Variants in MAGI1 observed in about 807,000 individuals in gnomAD.
MAGI1 encodes the protein membrane associated guanylate kinase, WW and PDZ domain containing 1, also known as membrane-associated guanylate kinase, WW and PDZ domain-containing protein 1.
Under a neutral mutation model 139.9 loss-of-function variants are expected in MAGI1, and 58 were observed. The observed-to-expected ratio is 0.41, with a 90% CI of 0.34 to 0.52. The LOEUF is 0.52. Among genes scored for constraint, MAGI1 ranks in the 20% least tolerant of loss-of-function variants. MAGI1 has a pLI of 0.12. For missense variants in MAGI1, 1,874 were observed against 1,901.6 expected (o/e 0.99, Z 0.27); for synonymous variants, 812 against 737.9 (o/e 1.10, Z -1.63).
chr3:65,488,845 T>C (rs536968093), intron 3 of MAGI1, among the ~76,000 whole-genome samples: 1 of 152,038 alleles, frequency 6.6e-6, no homozygotes, highest in African/African-American at 2.4e-5. Flanking sequence ...CTCATTTTTG[T>C]ATTTTTTTAT....
In MAGI1 at chr3:65,430,959, T is replaced by C. The variant is rs1379501977; in HGVS notation, c.1364-78A>G. ...ATTAAACAAGATTTGAGACAACATA[T>C]AGATAATTCTTCACGCTTATGCCCT... On this transcript the variant is annotated intron_variant, in intron 10 of 22. Coordinates refer to ENST00000402939, the MANE Select transcript of MAGI1 (RefSeq NM_001033057.2). 23 of 1,374,140 alleles carry C rather than the reference T, an allele frequency of 1.7e-5. No individual in the cohort carries two copies. In the Admixed American group the frequency reaches 3.5e-4, roughly 21 times the overall value. The allele number at this position is 1,374,140 out of a possible 1,614,324, so 85.1% of individuals were successfully genotyped here.
chr3:65,720,345 T>A (rs2032858652), intron 1 of MAGI1, among the ~76,000 whole-genome samples: 1 of 152,172 alleles, frequency 6.6e-6, no homozygotes, highest in Non-Finnish European at 1.5e-5. Context: ...CCTGCCAGGT[T>A]ACCCAGTGTA....
chr3:66,018,670 T>C (rs1162672305), intron 1 of MAGI1, among the ~76,000 whole-genome samples: 1 of 152,230 alleles, frequency 6.6e-6, no homozygotes, highest in East Asian at 1.9e-4. Context: ...TGGCCGCTGA[T>C]GGGCTGGTGA....
intron 5 of MAGI1, among the ~76,000 whole-genome samples, chr3:65,456,731 T>C (rs367994572): frequency 6.6e-6 from 1 of 152,194 alleles, no homozygotes; most frequent in Admixed American, 6.5e-5. Flanking sequence ...TTAGCTTACA[T>C]GCCTCTGGTC....
intron 1 of MAGI1, among the ~76,000 whole-genome samples, chr3:65,739,937 T>G (rs2035112484): frequency 6.6e-6 from 1 of 152,092 alleles, no homozygotes; most frequent in Admixed American, 6.6e-5. Flanking sequence ...GACCACATGC[T>G]GTTGGAAAAA....
intron 12 of MAGI1, among the ~76,000 whole-genome samples, chr3:65,416,984 C>T (rs929464726): frequency 2.6e-5 from 4 of 152,064 alleles, no homozygotes; most frequent in Admixed American, 6.6e-5. Flanking sequence ...TGGTAAAGAA[C>T]GTGTGATTTC....
chr3:66,038,008 C>G lies in MAGI1; in HGVS notation c.301G>C (p.Ala101Pro). Residue 101 changes from alanine to proline, a missense_variant, in exon 1 of 23, where the codon GCC becomes CCC. Coordinates refer to ENST00000402939, the MANE Select transcript of MAGI1 (RefSeq NM_001033057.2). ...CGCCCTGCCTTACCTTGTCTGACGG[C>G]CTTGAAGGTGACGGCCTCCTTGCAG... ...DSCKEAVTFK[A>P]VRQGGRLNKD... 1 of 1,588,710 alleles carries G rather than the reference C, an allele frequency of 6.3e-7. No individual in the cohort carries two copies. Among genetic ancestry groups the G allele is most frequent in the Non-Finnish European group, 8.6e-7 (1 of 1,166,510 alleles).
Position 65,699,733 on chromosome 3 carries a change from G to C in MAGI1, c.314-77645C>G, listed in dbSNP as rs1276839553. ...CACACTCTGGGGACTGTGGTGGGGT[G>C]GGGGGAGGGGGGAGGGATAGCATTG... On this transcript the variant is annotated intron_variant, in intron 1 of 22. Transcript: ENST00000402939. Among the ~76,000 whole-genome samples, 19 of 116,804 alleles carry C rather than the reference G, an allele frequency of 1.6e-4. No individual in the cohort carries two copies. The East Asian group carries it at 3.6e-3, about 22-fold the overall frequency. The allele number at this position is 116,804 out of a possible 152,430, so 76.6% of individuals were successfully genotyped here. A position where few individuals can be genotyped will look rare whatever the true frequency, so the allele number is the denominator to read the frequency against.
chr3:65,569,515 A>G (rs537067895), intron 2 of MAGI1, among the ~76,000 whole-genome samples: 1 of 152,240 alleles, frequency 6.6e-6, no homozygotes, highest in African/African-American at 2.4e-5. Flanking sequence ...GCACTGTGGA[A>G]ATCAAAACTG....
chr3:65,926,327 TTCTCTC>T (rs377665681), intron 1 of MAGI1, among the ~76,000 whole-genome samples: 1,359 of 115,658 alleles, frequency 0.012, 16 homozygotes, highest in African/African-American at 0.036. Flanking sequence ...AAGTCTTCTT[TTCTCTC>T]TCTCTCTCTC....
intron 2 of MAGI1, among the ~76,000 whole-genome samples, chr3:65,554,882 G>A (rs1474265209): frequency 6.6e-6 from 1 of 152,222 alleles, no homozygotes; most frequent in Non-Finnish European, 1.5e-5. Flanking sequence ...TATGCAATGT[G>A]AGACACTGGT....
At chr3:65,488,722 GT>G (rs548271333) in intron 3 of MAGI1, among the ~76,000 whole-genome samples, 66 of 151,946 alleles carry the variant, frequency 4.3e-4, no homozygotes, top group African/African-American at 1.5e-3. Context: ...CCAGGCTGGA[GT>G]GCAGTGGTGT....
chr3:65,507,839 A>T (rs2077363030), intron 2 of MAGI1, among the ~76,000 whole-genome samples: 1 of 152,216 alleles, frequency 6.6e-6, no homozygotes, highest in Admixed American at 6.5e-5. Flanking sequence ...GATGAGTCAT[A>T]GAAATTATTT....
chr3:65,689,620 G>A (rs915946113), intron 1 of MAGI1, among the ~76,000 whole-genome samples: 3 of 152,136 alleles, frequency 2.0e-5, no homozygotes, highest in Non-Finnish European at 2.9e-5. Flanking sequence ...GAAAACTCCT[G>A]GGCTGGTTAC....
At chr3:65,480,759 T>C (rs1951231572) in intron 3 of MAGI1, among the ~76,000 whole-genome samples, 1 of 151,864 alleles carries the variant, frequency 6.6e-6, no homozygotes, top group Admixed American at 6.6e-5. Flanking sequence ...CTAACTTTTT[T>C]GTATTTTTAG....
chr3:65,525,894 G>C (rs753036229), intron 2 of MAGI1, among the ~76,000 whole-genome samples: 4 of 152,148 alleles, frequency 2.6e-5, no homozygotes, highest in Non-Finnish European at 5.9e-5. Context: ...TATAAGGGAG[G>C]CACACATTGT....
intron 18 of MAGI1, among the ~76,000 whole-genome samples, chr3:65,371,728 C>T (rs1342402417): frequency 3.3e-5 from 5 of 152,182 alleles, no homozygotes; most frequent in Non-Finnish European, 7.4e-5. Context: ...ATAATCAAAA[C>T]CCTTTGTTGT....
At chr3:65,586,317 G>GA (rs2081675678) in intron 2 of MAGI1, among the ~76,000 whole-genome samples, 1 of 151,906 alleles carries the variant, frequency 6.6e-6, no homozygotes, top group Non-Finnish European at 1.5e-5. Context: ...ATGATATTCA[G>GA]AAAAAAAGGC....
chr3:65,622,178 G>A lies in MAGI1; in HGVS notation c.314-90C>T, dbSNP rs2083709686. ...AAGAACTGATTGCAAGAAAGCCACA[G>A]GATGCAGTTCTAGCCTGCCACCCCT... On this transcript the variant is annotated intron_variant, in intron 1 of 22. Coordinates refer to ENST00000402939, the MANE Select transcript of MAGI1 (RefSeq NM_001033057.2). 14 of 924,070 alleles carry A rather than the reference G, an allele frequency of 1.5e-5. No individual in the cohort carries two copies. The South Asian group carries it at 1.6e-4, about 10-fold the overall frequency. The allele number at this position is 924,070 out of a possible 1,614,324, so 57.2% of individuals were successfully genotyped here. A position where few individuals can be genotyped will look rare whatever the true frequency, so the allele number is the denominator to read the frequency against.
Sources: gnomAD v4.1 joint callset for allele counts (sites outside exome capture counted in the v4.1 genomes callset) on GRCh38, gnomAD v4.1.1 for gene constraint, MANE v1.5 for transcripts, NCBI Gene and HGNC (gene_info 2026-07-23, HGNC 2026-07-21) for gene names.